Variants in KCTD16 observed in about 807,000 individuals in gnomAD.
KCTD16 encodes potassium channel tetramerization domain containing 16, also known as BTB/POZ domain-containing protein KCTD16.
KCTD16 carries 13 observed loss-of-function variants against 33.2 expected under a neutral mutation model. The ratio of observed to expected loss-of-function variants is 0.39; its 90% CI spans 0.25 to 0.62. The LOEUF is 0.62. Ranked by LOEUF, KCTD16 falls within the 20% of genes least tolerant of loss-of-function variation. The pLI is 0.50. For missense variants in KCTD16, 441 were observed against 525.1 expected (o/e 0.84, Z 1.57); for synonymous variants, 197 against 195.3 (o/e 1.01, Z -0.07).
At chr5:144,395,907 T>A (rs537857766) in intron 3 of KCTD16, among the ~76,000 whole-genome samples, 11 of 152,248 alleles carry the variant, frequency 7.2e-5, no homozygotes, top group Non-Finnish European at 1.6e-4. Flanking sequence ...TCTGGTCTGC[T>A]TCCTGTTTTT....
chr5:144,170,897 G>C lies in KCTD16; in HGVS notation c.-605G>C, dbSNP rs909116584. Reference sequence around the variant, plus strand: ...CAGACCTAGGTGATGGAGGAAGACTGGGAGGCGCTAAAATGAGACAGACGG... The same window carrying C: ...CAGACCTAGGTGATGGAGGAAGACTCGGAGGCGCTAAAATGAGACAGACGG... On this transcript the variant is annotated 5_prime_UTR_variant, in exon 1 of 4. Transcript: ENST00000512467. 6.6e-6 allele frequency: 1 copy of C among 152,258 alleles called. No individual in the cohort carries two copies. The highest frequency in any genetic ancestry group is 2.4e-5 in the African/African-American group (1 of 41,432). 9.4% of individuals were successfully genotyped at this position (152,258 alleles called of 1,614,324 possible).
rs397999492 is a variant in KCTD16, at chr5:144,388,065, GTTTTT to G, written c.833-85569_833-85565del. 6.4e-3 allele frequency among the ~76,000 whole-genome samples: 473 copies of G among 73,594 alleles called. 4 individuals carry two copies. The highest frequency in any genetic ancestry group is 0.02 in the African/African-American group (327 of 16,090). The allele number at this position is 73,594 out of a possible 152,430, so 48.3% of individuals were successfully genotyped here. A position where few individuals can be genotyped will look rare whatever the true frequency, so the allele number is the denominator to read the frequency against. ...AATCCAGAGTTCAATTTTAGAGCAA[GTTTTT>G]TTTTTTTTTTTTTTTTTTTTTTTTT... On this transcript the variant is annotated intron_variant, in intron 3 of 3. Coordinates refer to ENST00000512467, the MANE Select transcript of KCTD16 (RefSeq NM_020768.4).
intron 3 of KCTD16, among the ~76,000 whole-genome samples, chr5:144,341,309 G>A (rs1358830499): frequency 6.6e-6 from 1 of 152,122 alleles, no homozygotes; most frequent in Non-Finnish European, 1.5e-5. Flanking sequence ...AAGGATAACA[G>A]GATGCCATCC....
intron 3 of KCTD16, among the ~76,000 whole-genome samples, chr5:144,397,275 A>G (rs1300554899): frequency 6.6e-6 from 1 of 152,194 alleles, no homozygotes; most frequent in East Asian, 1.9e-4. Flanking sequence ...ATGGCTGCAT[A>G]GTATTCCATG....
chr5:144,438,664 C>G (rs1753633258), intron 3 of KCTD16, among the ~76,000 whole-genome samples: 1 of 152,196 alleles, frequency 6.6e-6, no homozygotes, highest in African/African-American at 2.4e-5. Flanking sequence ...GCCTCTCCAG[C>G]TCTCCTTAGA....
chr5:144,200,704 T>C (rs1475385591), intron 2 of KCTD16, among the ~76,000 whole-genome samples: 1 of 152,178 alleles, frequency 6.6e-6, no homozygotes, highest in Non-Finnish European at 1.5e-5. Context: ...ACTAGGGATA[T>C]TTCTGAAAAT....
At chr5:144,410,622 C>G (rs1030996391) in intron 3 of KCTD16, among the ~76,000 whole-genome samples, 2 of 152,140 alleles carry the variant, frequency 1.3e-5, no homozygotes, top group Non-Finnish European at 2.9e-5. Flanking sequence ...TTCATTACTT[C>G]TGTGACATTT....
intron 3 of KCTD16, among the ~76,000 whole-genome samples, chr5:144,327,265 T>C (rs1205203869): frequency 6.6e-6 from 1 of 152,150 alleles, no homozygotes; most frequent in Admixed American, 6.6e-5. Context: ...TAAGCCCTTC[T>C]CCTTGCTATG....
chr5:144,314,300 C>T (rs1751848008), intron 3 of KCTD16, among the ~76,000 whole-genome samples: 1 of 152,060 alleles, frequency 6.6e-6, no homozygotes, highest in Non-Finnish European at 1.5e-5. Flanking sequence ...TTCCTTGGAA[C>T]ATTGGGGAAT....
intron 3 of KCTD16, among the ~76,000 whole-genome samples, chr5:144,217,244 T>C (rs538120815): frequency 6.6e-6 from 1 of 152,300 alleles, no homozygotes; most frequent in Non-Finnish European, 1.5e-5. Flanking sequence ...GACATTTTCC[T>C]ATGGGCATAT....
chr5:144,284,723 A>T (rs6893969), intron 3 of KCTD16, among the ~76,000 whole-genome samples: 35,712 of 152,144 alleles, frequency 0.23, 4,424 homozygotes, highest in Non-Finnish European at 0.28. Context: ...AAAGTATATC[A>T]GATCCACTTT....
At chr5:144,255,690 G>A (rs1754826956) in intron 3 of KCTD16, among the ~76,000 whole-genome samples, 1 of 152,172 alleles carries the variant, frequency 6.6e-6, no homozygotes, top group Non-Finnish European at 1.5e-5. Context: ...AAAGGCCAAA[G>A]TGCCTTTGAC....
intron 3 of KCTD16, among the ~76,000 whole-genome samples, chr5:144,402,003 A>C (rs1013057495): frequency 2.6e-5 from 4 of 152,202 alleles, no homozygotes; most frequent in Admixed American, 6.5e-5. Context: ...GAAGTGAGAC[A>C]ACAGAGAAGG....
chr5:144,436,688 A>C (rs1753586862), intron 3 of KCTD16, among the ~76,000 whole-genome samples: 1 of 151,618 alleles, frequency 6.6e-6, no homozygotes, highest in South Asian at 2.1e-4. Context: ...CCCAGATTCA[A>C]GCTATTCTTC....
chr5:144,212,885 G>C (rs762926589), intron 3 of KCTD16, among the ~76,000 whole-genome samples: 1 of 151,926 alleles, frequency 6.6e-6, no homozygotes, highest in African/African-American at 2.4e-5. Context: ...ATTACCCTTA[G>C]CACAGCAAGA....
At chr5:144,202,930 T>C (rs1753076877) in intron 2 of KCTD16, among the ~76,000 whole-genome samples, 1 of 152,192 alleles carries the variant, frequency 6.6e-6, no homozygotes, top group South Asian at 2.1e-4. Context: ...TAGTCAAAAT[T>C]TGAGGAATTC....
At chr5:144,186,360 A>AG (rs1561522399) in intron 2 of KCTD16, among the ~76,000 whole-genome samples, 158 of 49,664 alleles carry the variant, frequency 3.2e-3, no homozygotes, top group African/African-American at 0.013. Context: ...TTTAAAAAAA[A>AG]AAAGAAAAAA....
In KCTD16 at chr5:144,479,700, G is replaced by C. The variant is rs565796555; in HGVS notation, c.*5586G>C. Reference sequence around the variant, plus strand: ...ACTTCCTAAGTGGGATCCCTTTTCTGTCCCGGCTTCCTAATGTTCAAAAAA... The same window carrying C: ...ACTTCCTAAGTGGGATCCCTTTTCTCTCCCGGCTTCCTAATGTTCAAAAAA... On this transcript the variant is annotated 3_prime_UTR_variant, in exon 4 of 4. Coordinates refer to ENST00000512467, the MANE Select transcript of KCTD16 (RefSeq NM_020768.4). 7.6e-4 allele frequency: 115 copies of C among 152,032 alleles called. 2 individuals are homozygous for C. Among genetic ancestry groups the C allele is most frequent in the African/African-American group, 2.6e-3 (107 of 41,526 alleles). 9.4% of individuals were successfully genotyped at this position (152,032 alleles called of 1,614,324 possible).
intron 3 of KCTD16, among the ~76,000 whole-genome samples, chr5:144,320,174 A>G (rs1266751912): frequency 6.6e-6 from 1 of 152,192 alleles, no homozygotes; most frequent in Non-Finnish European, 1.5e-5. Context: ...TCAGAATACC[A>G]GTAGCTTCTA....
Sources: gnomAD v4.1 joint callset for allele counts (sites outside exome capture counted in the v4.1 genomes callset) on GRCh38, gnomAD v4.1.1 for gene constraint, MANE v1.5 for transcripts, NCBI Gene and HGNC (gene_info 2026-07-23, HGNC 2026-07-21) for gene names.